Variants in HTT observed in about 807,000 individuals in gnomAD.
HTT encodes the protein huntingtin, also known as huntington disease protein.
In HTT, 104 loss-of-function variants were observed where a neutral mutation model predicts 362.3. That is an observed-to-expected ratio of 0.29 (90% confidence interval 0.24 to 0.34). HTT has a LOEUF of 0.34. Ranked by LOEUF, HTT falls within the 10% of genes least tolerant of loss-of-function variation. The pLI is 1.00. For synonymous variants in HTT, 1,577 were observed against 1,548.7 expected, an observed-to-expected ratio of 1.02 and a Z score of -0.43; for missense variants, 3,301 against 3,928.6, an observed-to-expected ratio of 0.84 and a Z score of 4.27.
chr4:3,157,082 A>G lies in HTT; in HGVS notation c.3636A>G (p.Gln1212=). 1 of 1,606,746 alleles carries G rather than the reference A, an allele frequency of 6.2e-7. No homozygotes were observed. Among genetic ancestry groups the G allele is most frequent in the Non-Finnish European group, 8.5e-7 (1 of 1,178,062 alleles). Reference sequence around the variant, plus strand: ...TGCATATTTTTAAAGCTTCTAGACAATCTGATACCTCAGGTCCTGTTACAA... The same window carrying G: ...TGCATATTTTTAAAGCTTCTAGACAGTCTGATACCTCAGGTCCTGTTACAA... ...KGSEASAASR[Q]SDTSGPVTTS... The change falls in exon 28 of 67, where the codon CAA becomes CAG. Residue 1212 remains glutamine (Q), a synonymous_variant. Coordinates refer to ENST00000355072, the MANE Select transcript of HTT (RefSeq NM_001388492.1).
chr4:3,235,503 A>G (rs1163294158), intron 62 of HTT, 62 bp from the exon 63 acceptor site: 2 of 1,552,384 alleles, frequency 1.3e-6, no homozygotes, highest in East Asian at 4.5e-5. Flanking sequence ...GGTCGGGAGG[A>G]GGCATGAACA....
chr4:3,141,695 G>A (rs183985566), intron 22 of HTT, among the ~76,000 whole-genome samples: 22 of 152,324 alleles, frequency 1.4e-4, no homozygotes, highest in Admixed American at 3.9e-4. Context: ...CCCGGAGGCA[G>A]AGGTTGCAGT....
rs779984163 is a variant in HTT at position 3,199,830 on chromosome 4, C to T, written c.5467C>T (p.Arg1823Cys). ...CCTGGACAGCTTGAACTTGCGGGCT[C>T]GTTCCATGATCACCACCCACCCGGC... ...YTLDSLNLRA[R>C]SMITTHPALV... Residue 1823 changes from arginine to cysteine, a missense_variant, in exon 41 of 67, where the codon CGT becomes TGT. By Grantham distance (180) the Arg-to-Cys change is radical (BLOSUM62 -3). Coordinates refer to ENST00000355072, the MANE Select transcript of HTT (RefSeq NM_001388492.1). 19 of 1,614,064 alleles carry T rather than the reference C, an allele frequency of 1.2e-5. No homozygotes were observed. In the East Asian group the frequency reaches 2.7e-4, roughly 23 times the overall value.
intron 2 of HTT, among the ~76,000 whole-genome samples, chr4:3,098,538 T>A (rs948390550): frequency 6.6e-6 from 1 of 152,234 alleles, no homozygotes; most frequent in Non-Finnish European, 1.5e-5. Flanking sequence ...GAAGTCAGTT[T>A]CATGTACATG....
chr4:3,152,931 G>A (rs563833540), intron 26 of HTT, among the ~76,000 whole-genome samples: 25 of 151,544 alleles, frequency 1.6e-4, no homozygotes, highest in African/African-American at 5.8e-4. Flanking sequence ...GATTACAGGC[G>A]TGAGCCACCA....
In HTT at chr4:3,174,956, A is replaced by G; in HGVS notation, c.4256A>G (p.His1419Arg). 2.5e-6 allele frequency: 4 copies of G among 1,596,268 alleles called. No individual in the cohort carries two copies. Among genetic ancestry groups the G allele is most frequent in the East Asian group, 2.2e-5 (1 of 44,716 alleles). The change falls in exon 33 of 67, where the codon CAT (histidine) becomes CGT (arginine). Residue 1419 changes from histidine to arginine, a missense_variant. This residue lies in a region of HTT where 2,316 missense variants were observed against 2,658.5 expected (regional missense o/e 0.87). Transcript: ENST00000355072. Reference sequence around the variant, plus strand: ...TTTTCTTTTTTATAGAATGCTATTCATAATCACATTCGTTTGTTTGAACCT... The same window carrying G: ...TTTTCTTTTTTATAGAATGCTATTCGTAATCACATTCGTTTGTTTGAACCT... Reference protein sequence around the residue: ...TKNRADKNAIHNHIRLFEPLV... With the variant: ...TKNRADKNAIRNHIRLFEPLV...
intron 12 of HTT, 24 bp downstream of exon 12, chr4:3,127,628 A>ATC: frequency 6.5e-7 from 1 of 1,529,022 alleles, no homozygotes; most frequent in South Asian, 1.2e-5. Flanking sequence ...GGGGCCTGAC[A>ATC]TCTTTTTTTT....
Position 3,186,670 on chromosome 4 carries a change from G to A in HTT, c.4940G>A (p.Arg1647His). ...GAGATTTTGGCCCCTTCCTCCCTCC[G>A]TCCGGTAGACATGCTTTTACGGAGT... is the stretch of plus-strand genomic sequence containing the variant. ...LFEILAPSSL[R>H]PVDMLLRSMF... is the part of the protein sequence containing the mutation. The change falls in exon 38 of 67, where the codon CGT (arginine) becomes CAT (histidine). Residue 1647 changes from arginine to histidine, a missense_variant. Physicochemically the swap from Arg to His is conservative, Grantham distance 29 (BLOSUM62 0). Transcript: ENST00000355072. The A allele has an allele frequency of 1.9e-6, 3 of 1,612,294 alleles. No homozygotes were observed. Among genetic ancestry groups the A allele is most frequent in the Non-Finnish European group, 2.5e-6 (3 of 1,178,970 alleles).
At chr4:3,178,216 A>T in intron 34 of HTT, 82 bp from the exon 35 acceptor site, 1 of 1,086,914 alleles carries the variant, frequency 9.2e-7, no homozygotes, top group Non-Finnish European at 1.4e-6. Context: ...TCAAGGTTGA[A>T]TCATGAATTA....
intron 12 of HTT, chr4:3,128,847 A>G (rs753469847): frequency 1.3e-5 from 2 of 152,208 alleles, no homozygotes. Flanking sequence ...CATTTAAATA[A>G]TGTCATGGAA....
chr4:3,088,376 TG>T (rs1167362128), intron 2 of HTT, among the ~76,000 whole-genome samples: 1 of 149,198 alleles, frequency 6.7e-6, no homozygotes, highest in Non-Finnish European at 1.5e-5. Context: ...TTAGTAGAGA[TG>T]GGGTTTCACC....
intron 8 of HTT, among the ~76,000 whole-genome samples, chr4:3,118,279 C>G (rs576196943): frequency 1.5e-4 from 23 of 152,220 alleles, no homozygotes; most frequent in Admixed American, 1.4e-3. Context: ...AAACTATATG[C>G]TCAATTTTTT....
In HTT at chr4:3,212,720, G is replaced by A. The variant is rs1578593879; in HGVS notation, c.6774+11G>A. 2 of 1,614,112 alleles carry A rather than the reference G, an allele frequency of 1.2e-6. No homozygotes were observed. The highest frequency in any genetic ancestry group is 2.2e-5 in the East Asian group (1 of 44,884). ...GTGGCAACCCTTGAGGTAAGAGGCA[G>A]CTCGGGAGCTCAGTGTTGCTGTGGG... On this transcript the variant is annotated intron_variant, in intron 49 of 66. Transcript: ENST00000355072.
rs374501542 is a variant in HTT at position 3,121,262 on chromosome 4, A to C, written c.1103A>C (p.Gln368Pro). 645 of 1,614,182 alleles carry C rather than the reference A, an allele frequency of 4.0e-4. No individual in the cohort carries two copies. Among genetic ancestry groups the C allele is most frequent in the Non-Finnish European group, 5.2e-4 (611 of 1,179,972 alleles). The change falls in exon 9 of 67, where the codon CAA becomes CCA. Residue 368 changes from glutamine to proline, a missense_variant. Physicochemically the swap from Gln to Pro is moderately conservative, Grantham distance 76. Transcript: ENST00000355072. ...CTGACGTTACATCATACACAGCACC[A>C]AGACCACAATGTTGTGACCGGAGCC... ...YELTLHHTQH[Q>P]DHNVVTGALE...
intron 26 of HTT, among the ~76,000 whole-genome samples, chr4:3,150,155 G>A (rs1475431158): frequency 6.6e-6 from 1 of 152,174 alleles, no homozygotes; most frequent in Non-Finnish European, 1.5e-5. Context: ...CTCTGGGCCA[G>A]TGCTGTTCTA....
intron 22 of HTT, among the ~76,000 whole-genome samples, chr4:3,141,546 T>C (rs561159953): frequency 1.3e-5 from 2 of 152,368 alleles, no homozygotes; most frequent in Non-Finnish European, 2.9e-5. Flanking sequence ...GCAGGTCGCT[T>C]GAGCTCAGGG....
rs1216831748 is a variant in HTT at position 3,242,117 on chromosome 4, C to G, written c.*2058C>G. On this transcript the variant is annotated 3_prime_UTR_variant, in exon 67 of 67. Coordinates refer to ENST00000355072, the MANE Select transcript of HTT (RefSeq NM_001388492.1). ...AGCTCTGAGACAGCAGTATCACAGGCCAGATGTTGTTCCTGGCTAGATGTT... is the reference window on the plus strand; with the variant it reads ...AGCTCTGAGACAGCAGTATCACAGGGCAGATGTTGTTCCTGGCTAGATGTT... The G allele has an allele frequency of 6.6e-6, 1 of 152,224 alleles. No homozygotes were observed. The highest frequency in any genetic ancestry group is 1.5e-5 in the Non-Finnish European group (1 of 68,036). 9.4% of individuals were successfully genotyped at this position (152,224 alleles called of 1,614,324 possible). A position where few individuals can be genotyped will look rare whatever the true frequency, so the allele number is the denominator to read the frequency against.
At chr4:3,239,098 G>T in intron 66 of HTT, 120 bp downstream of exon 66, 1 of 1,048,570 alleles carries the variant, frequency 9.5e-7, no homozygotes, top group Non-Finnish European at 1.4e-6. Context: ...CAGGGTGACA[G>T]GCCCTCAGCC....
At chr4:3,193,964 GTCT>G (rs1485378701) in intron 40 of HTT, among the ~76,000 whole-genome samples, 1 of 152,134 alleles carries the variant, frequency 6.6e-6, no homozygotes, top group African/African-American at 2.4e-5. Flanking sequence ...GTGTGTTTCT[GTCT>G]TCTTGTTTCC....
Sources: gnomAD v4.1 joint callset for allele counts (sites outside exome capture counted in the v4.1 genomes callset) on GRCh38, gnomAD v4.1.1 for gene constraint, gnomAD v4.1.1 regional missense constraint, MANE v1.5 for transcripts, NCBI Gene and HGNC (gene_info 2026-07-23, HGNC 2026-07-21) for gene names.